CTNNA3: variants seen among roughly 807,000 people sequenced by gnomAD.
CTNNA3 encodes catenin alpha 3, also known as catenin alpha-3.
CTNNA3 carries 76 observed loss-of-function variants against 95.7 expected under a neutral mutation model. The ratio of observed to expected loss-of-function variants is 0.79; its 90% CI spans 0.66 to 0.96. CTNNA3 has a LOEUF of 0.96. CTNNA3 is among the 40% of genes least tolerant of loss of function. The probability of loss-of-function intolerance (pLI) is 0.00; values close to 1 mark genes in which losing one functional copy is unlikely to be tolerated. For missense variants in CTNNA3, 1,191 were observed against 1,089.8 expected (o/e 1.09, Z -1.31); for synonymous variants, 431 against 374.4 (o/e 1.15, Z -1.74).
intron 11 of CTNNA3, among the ~76,000 whole-genome samples, chr10:66,476,800 T>G (rs1839342266): frequency 6.6e-6 from 1 of 152,094 alleles, no homozygotes. Flanking sequence ...AATTGATTAT[T>G]CTCTAACTAG....
At chr10:67,664,770 T>A (rs1359700592) in intron 1 of CTNNA3, among the ~76,000 whole-genome samples, 1 of 152,202 alleles carries the variant, frequency 6.6e-6, no homozygotes. Context: ...CTCATTTACC[T>A]TAGATAAAGC....
At chr10:66,185,030 T>C (rs1355150035) in intron 13 of CTNNA3, among the ~76,000 whole-genome samples, 2 of 152,222 alleles carry the variant, frequency 1.3e-5, no homozygotes, top group Admixed American at 6.5e-5. Context: ...AAGTAATTAT[T>C]GTCATGTCCC....
chr10:66,095,258 AATAG>A (rs1378383641), intron 14 of CTNNA3, among the ~76,000 whole-genome samples: 2 of 152,128 alleles, frequency 1.3e-5, no homozygotes, highest in African/African-American at 4.8e-5. Context: ...AATGTTTAAA[AATAG>A]ATAGAGGAAA....
chr10:66,255,862 A>G (rs556674270), intron 13 of CTNNA3, among the ~76,000 whole-genome samples: 23 of 152,252 alleles, frequency 1.5e-4, no homozygotes, highest in Non-Finnish European at 3.2e-4. Flanking sequence ...AGTTAATTCA[A>G]GAATTTCAGG....
At chr10:67,145,840 A>G (rs966180325) in intron 7 of CTNNA3, among the ~76,000 whole-genome samples, 3 of 152,212 alleles carry the variant, frequency 2.0e-5, no homozygotes, top group African/African-American at 4.8e-5. Context: ...GCAAAAAGCT[A>G]GATGTTTAGT....
chr10:66,870,402 A>G (rs1844350917), intron 7 of CTNNA3, among the ~76,000 whole-genome samples: 1 of 152,234 alleles, frequency 6.6e-6, no homozygotes, highest in South Asian at 2.1e-4. Context: ...ACAATAGCAT[A>G]CATTATCCTA....
intron 7 of CTNNA3, among the ~76,000 whole-genome samples, chr10:67,149,810 G>A (rs902255895): frequency 7.9e-5 from 12 of 152,134 alleles, no homozygotes; most frequent in Non-Finnish European, 1.5e-4. Flanking sequence ...CTCCTGCGCC[G>A]ATCAAACTCT....
intron 7 of CTNNA3, among the ~76,000 whole-genome samples, chr10:66,787,293 T>C (rs535076371): frequency 7.4e-4 from 113 of 152,128 alleles, no homozygotes; most frequent in Non-Finnish European, 1.4e-3. Context: ...CTATTGGTGG[T>C]GTTCATTGCC....
chr10:67,228,967 A>G (rs1239658603), intron 5 of CTNNA3, among the ~76,000 whole-genome samples: 3 of 152,196 alleles, frequency 2.0e-5, no homozygotes, highest in Admixed American at 6.5e-5. Context: ...AATTCACTCT[A>G]TGAAGCCAGC....
intron 16 of CTNNA3, among the ~76,000 whole-genome samples, chr10:65,984,188 C>A (rs17820033): frequency 0.21 from 32,392 of 150,948 alleles, 3,962 homozygotes; most frequent in Middle Eastern, 0.35. Context: ...AGAAAGCAAC[C>A]AATGTTCCAG....
At chr10:67,222,651 T>G (rs762109355) in intron 5 of CTNNA3, among the ~76,000 whole-genome samples, 19 of 152,168 alleles carry the variant, frequency 1.2e-4, no homozygotes, top group Non-Finnish European at 2.5e-4. Flanking sequence ...AGAGGATAAA[T>G]AGTTTAATGT....
At chr10:66,867,328 G>C (rs1844218560) in intron 7 of CTNNA3, among the ~76,000 whole-genome samples, 1 of 152,114 alleles carries the variant, frequency 6.6e-6, no homozygotes, top group African/African-American at 2.4e-5. Context: ...GGGTGGACAT[G>C]CTTTTATTTT....
intron 5 of CTNNA3, among the ~76,000 whole-genome samples, chr10:67,391,229 A>G (rs1233998650): frequency 2.6e-5 from 4 of 152,108 alleles, no homozygotes; most frequent in East Asian, 1.9e-4. Flanking sequence ...AAATCAATGT[A>G]CAAAAATCAC....
chr10:66,424,189 C>T (rs1348864210), intron 11 of CTNNA3, among the ~76,000 whole-genome samples: 2 of 151,372 alleles, frequency 1.3e-5, no homozygotes, highest in Admixed American at 6.6e-5. Context: ...TTAAATATTC[C>T]CTGTATTAAA....
At chr10:67,481,810 T>A (rs1037183102) in intron 5 of CTNNA3, among the ~76,000 whole-genome samples, 1 of 152,202 alleles carries the variant, frequency 6.6e-6, no homozygotes, top group African/African-American at 2.4e-5. Flanking sequence ...GTTTTAGACA[T>A]GAAGTCCTTG....
At chr10:66,634,570 A>G (rs1294792329) in intron 9 of CTNNA3, among the ~76,000 whole-genome samples, 1 of 101,790 alleles carries the variant, frequency 9.8e-6, no homozygotes, top group African/African-American at 5.4e-5. Context: ...TACTCTGTGC[A>G]TGGTGTGTGT....
Position 66,280,550 on chromosome 10 carries a change from C to T in CTNNA3, c.1804G>A (p.Asp602Asn). ...ALSKSSLNVL[D>N]DNQFVDISKK... is the part of the protein sequence containing the mutation. ...GAGATGTCCACAAATTGATTATCAT[C>T]CAACACATTCAATGAGCTTTTGCTT... Residue 602 changes from aspartate to asparagine, a missense_variant, in exon 13 of 18, where the codon GAT becomes AAT. By Grantham distance (23) the Asp-to-Asn change is conservative (BLOSUM62 1). Coordinates refer to ENST00000433211, the MANE Select transcript of CTNNA3 (RefSeq NM_013266.4). 1 of 1,609,512 alleles carries T rather than the reference C, an allele frequency of 6.2e-7. No homozygotes were observed. Among genetic ancestry groups the T allele is most frequent in the Non-Finnish European group, 8.5e-7 (1 of 1,177,336 alleles).
intron 6 of CTNNA3, among the ~76,000 whole-genome samples, chr10:67,213,208 A>G (rs1448923214): frequency 1.3e-5 from 2 of 151,702 alleles, no homozygotes; most frequent in Non-Finnish European, 3.0e-5. Context: ...TTTCATTTTT[A>G]TCAGTATAAA....
chr10:66,587,853 C>A (rs1169629425), intron 10 of CTNNA3, among the ~76,000 whole-genome samples: 2 of 152,182 alleles, frequency 1.3e-5, no homozygotes, highest in African/African-American at 4.8e-5. Context: ...TCAGGCCGCA[C>A]CCCTTCTGGT....
Sources: gnomAD v4.1 joint callset for allele counts (sites outside exome capture counted in the v4.1 genomes callset) on GRCh38, gnomAD v4.1.1 for gene constraint, MANE v1.5 for transcripts, NCBI Gene and HGNC (gene_info 2026-07-23, HGNC 2026-07-21) for gene names.